Variants in INTS6 observed in about 807,000 individuals in gnomAD.
INTS6 encodes the protein integrator complex subunit 6.
In INTS6, 16 loss-of-function variants were observed where a neutral mutation model predicts 104.9. That is an observed-to-expected ratio of 0.15 (90% CI 0.10 to 0.23). INTS6 has a LOEUF of 0.23. Ranked by LOEUF, INTS6 falls within the 10% of genes least tolerant of loss-of-function variation. INTS6 has a pLI of 1.00. For synonymous variants in INTS6, 324 were observed against 358.7 expected (o/e 0.90, Z 1.09); for missense variants, 584 against 1,062.8 (o/e 0.55, Z 6.26).
chr13:51,383,746 AG>A lies in INTS6; in HGVS notation c.895-6del. 6.3e-7 allele frequency: 1 copy of A among 1,598,602 alleles called. No homozygotes were observed. The highest frequency in any genetic ancestry group is 1.3e-5 in the African/African-American group (1 of 74,592). On this transcript the variant is annotated splice_region_variant and splice_polypyrimidine_tract_variant and intron_variant, in intron 7 of 17. Transcript: ENST00000311234. Reference sequence around the variant, plus strand: ...AGGATGAGATGTACGAGGTGGCTAAAGGGGAAAGTCTTGTAATTACTACTTA... The same window carrying A: ...AGGATGAGATGTACGAGGTGGCTAAAGGGAAAGTCTTGTAATTACTACTTA...
At chr13:51,352,191 A>G (rs1222801230), downstream of INTS6, among the ~76,000 whole-genome samples, 2 of 152,114 alleles carry the variant, frequency 1.3e-5, no homozygotes, top group Non-Finnish European at 1.5e-5. Flanking sequence ...CTGCAGATCA[A>G]TTTGGTGAGT....
the INTS6 span, among the ~76,000 whole-genome samples, chr13:51,335,510 G>C: frequency 6.6e-6 from 1 of 152,222 alleles, no homozygotes; most frequent in African/African-American, 2.4e-5. Flanking sequence ...GATGTGGGGT[G>C]TTGGCGGGGT....
the INTS6 span, among the ~76,000 whole-genome samples, chr13:51,335,306 A>T: frequency 6.6e-6 from 1 of 152,222 alleles, no homozygotes; most frequent in Non-Finnish European, 1.5e-5. Flanking sequence ...CAAGAAGAAA[A>T]CAACAACCAC....
In INTS6 at chr13:51,367,838, A is replaced by G; in HGVS notation, c.2537T>C (p.Ile846Thr). ...TTCTTTAATGACATTTTGTAAAAAT[A>G]TTAGTCTTGTTTGTAAACTGCCTTG... is the stretch of plus-strand genomic sequence containing the variant. ...HVQGSLQTRLIFLQNVIKEAS... is the reference protein window; with the variant it reads ...HVQGSLQTRLTFLQNVIKEAS... The change falls in exon 17 of 18, where the codon ATA (isoleucine) becomes ACA (threonine). Residue 846 changes from isoleucine (I) to threonine (T), a missense_variant. Coordinates refer to ENST00000311234, the MANE Select transcript of INTS6 (RefSeq NM_012141.3). The G allele has an allele frequency of 1.9e-6, 3 of 1,592,912 alleles. No individual in the cohort carries two copies. The highest frequency in any genetic ancestry group is 2.6e-6 in the Non-Finnish European group (3 of 1,168,834).
At chr13:51,450,408 C>G (rs1334640658) in intron 3 of INTS6, 2 of 985,164 alleles carry the variant, frequency 2.0e-6, no homozygotes, top group Non-Finnish European at 2.4e-6. Context: ...TTCATATTTT[C>G]CAGCAGTCTT....
At chr13:51,368,823 G>T in intron 16 of INTS6, 116 bp downstream of exon 16, 2 of 1,070,418 alleles carry the variant, frequency 1.9e-6, no homozygotes, top group Non-Finnish European at 2.7e-6. Flanking sequence ...TGTTGTTCAA[G>T]ACAGATCTAG....
intron 4 of INTS6, among the ~76,000 whole-genome samples, chr13:51,415,120 A>G (rs1032480301): frequency 2.6e-5 from 4 of 151,914 alleles, no homozygotes; most frequent in African/African-American, 4.8e-5. Context: ...GACAAGTATG[A>G]GAGTTTTTTT....
At chr13:51,361,565 TA>T (rs1445315518), downstream of INTS6, 1 of 589,792 alleles carries the variant, frequency 1.7e-6, no homozygotes, top group Non-Finnish European at 3.0e-6. Context: ...CCCATAAAAA[TA>T]ATTCTGAAAG....
chr13:51,354,592 A>G (rs1230641699), intron 3 of INTS6, among the ~76,000 whole-genome samples: 2 of 101,938 alleles, frequency 2.0e-5, no homozygotes, highest in Non-Finnish European at 4.5e-5. Context: ...CCCATCTCAG[A>G]AAAAAAAAAA....
At chr13:51,435,789 T>C (rs1256603969) in intron 3 of INTS6, among the ~76,000 whole-genome samples, 1 of 152,104 alleles carries the variant, frequency 6.6e-6, no homozygotes, top group Non-Finnish European at 1.5e-5. Flanking sequence ...TAATCATGTT[T>C]GTCAAGTCAA....
rs1955754339 is a variant in INTS6, at chr13:51,369,212, C to T, written c.2203G>A (p.Glu735Lys). 6.2e-7 allele frequency: 1 copy of T among 1,613,666 alleles called. No homozygotes were observed. Among genetic ancestry groups the T allele is most frequent in the African/African-American group, 1.3e-5 (1 of 74,884 alleles). Residue 735 changes from glutamate to lysine, a missense_variant, in exon 16 of 18, where the codon GAA becomes AAA. This residue lies in a region of INTS6 where 296 missense variants were observed against 437.0 expected (regional missense o/e 0.68). Transcript: ENST00000311234. The stretch of plus-strand genomic sequence containing the variant: ...CTGGCTGGAGAAGATGCTGAAAATT[C>T]CGTATCCATAGCATTTGGTGTAATG... ...SDITPNAMDTEFSASSPASLL... is the reference protein window; with the variant it reads ...SDITPNAMDTKFSASSPASLL...
At chr13:51,351,054 T>C (rs1273411798), downstream of INTS6, among the ~76,000 whole-genome samples, 2 of 152,170 alleles carry the variant, frequency 1.3e-5, no homozygotes, top group African/African-American at 4.8e-5. Flanking sequence ...AATTTATAGA[T>C]ATTTGAGTGC....
the INTS6 span, among the ~76,000 whole-genome samples, chr13:51,334,748 G>A: frequency 2.1e-4 from 32 of 152,108 alleles, no homozygotes; most frequent in East Asian, 1.9e-4. Context: ...TTGGGAGGCC[G>A]AGGCAGGTGG....
chr13:51,398,969 A>C (rs1956388276), intron 4 of INTS6, among the ~76,000 whole-genome samples: 1 of 152,164 alleles, frequency 6.6e-6, no homozygotes, highest in Admixed American at 6.5e-5. Context: ...AGCCTAACAA[A>C]TTTTCACAAG....
At chr13:51,368,249 T>C (rs1436791647) in intron 16 of INTS6, among the ~76,000 whole-genome samples, 1 of 152,054 alleles carries the variant, frequency 6.6e-6, no homozygotes, top group Non-Finnish European at 1.5e-5. Flanking sequence ...TTCTAACAGC[T>C]AACATGGGGG....
chr13:51,449,880 G>A (rs535332162), intron 3 of INTS6: 12 of 985,226 alleles, frequency 1.2e-5, no homozygotes, highest in Admixed American at 6.1e-5. Context: ...CTAACTAAAC[G>A]TTGGAAGTTC....
chr13:51,344,570 G>A, the INTS6 span: 19 of 1,080,150 alleles, frequency 1.8e-5, no homozygotes, highest in Non-Finnish European at 2.5e-5. Flanking sequence ...AGAGGCCATG[G>A]TGCTCAGGCC....
intron 4 of INTS6, chr13:51,421,229 G>C: frequency 1.0e-6 from 1 of 985,502 alleles, no homozygotes; most frequent in Non-Finnish European, 1.2e-6. Context: ...TCCAGGATCA[G>C]GTCGATCCTG....
Position 51,369,086 on chromosome 13 carries a change from G to A in INTS6, c.2329C>T (p.Pro777Ser). Residue 777 changes from proline (P) to serine (S), a missense_variant, in exon 16 of 18, where the codon CCA (proline) becomes TCA (serine). Transcript: ENST00000311234. ...VGGFLENHEEPRDKEQCAEEN... is the reference protein window; with the variant it reads ...VGGFLENHEESRDKEQCAEEN... ...TCAGCACATTGTTCTTTATCTCTTG[G>A]CTCCTCATGATTTTCTAAAAATCCA... is the stretch of plus-strand genomic sequence containing the variant. 6.2e-7 allele frequency: 1 copy of A among 1,613,588 alleles called. No individual in the cohort carries two copies. Among genetic ancestry groups the A allele is most frequent in the Non-Finnish European group, 8.5e-7 (1 of 1,179,774 alleles).
Sources: gnomAD v4.1 joint callset for allele counts (sites outside exome capture counted in the v4.1 genomes callset) on GRCh38, gnomAD v4.1.1 for gene constraint, gnomAD v4.1.1 regional missense constraint, MANE v1.5 for transcripts, NCBI Gene and HGNC (gene_info 2026-07-23, HGNC 2026-07-21) for gene names.